Variants in KCNH7 observed in about 807,000 individuals in gnomAD.
The protein encoded by KCNH7 is voltage-gated inwardly rectifying potassium channel KCNH7.
In KCNH7, 49 loss-of-function variants were observed where a neutral mutation model predicts 120.8. The observed-to-expected ratio is 0.41, with a 90% CI of 0.32 to 0.51. The LOEUF (loss-of-function observed/expected upper bound fraction) is 0.51. Among genes scored for constraint, KCNH7 ranks in the 20% least tolerant of loss-of-function variants. The pLI is 0.38. For synonymous variants in KCNH7, 547 were observed against 516.1 expected (o/e 1.06, Z -0.81); for missense variants, 1,097 against 1,446.6 (o/e 0.76, Z 3.92).
chr2:162,409,992 A>G (rs1265388626), intron 9 of KCNH7, among the ~76,000 whole-genome samples: 1 of 152,106 alleles, frequency 6.6e-6, no homozygotes, highest in Non-Finnish European at 1.5e-5. Flanking sequence ...TATTGTTAAA[A>G]TGACCACACG....
At chr2:162,804,902 A>G (rs1401828500) in intron 2 of KCNH7, among the ~76,000 whole-genome samples, 1 of 152,058 alleles carries the variant, frequency 6.6e-6, no homozygotes, top group Non-Finnish European at 1.5e-5. Context: ...ATAGACACAT[A>G]AACCAATGGA....
Position 162,838,511 on chromosome 2 carries a change from A to G in KCNH7, c.8T>C (p.Val3Ala). Residue 3 changes from valine to alanine, a missense_variant, in exon 1 of 16, where the codon GTG (valine) becomes GCG (alanine). Coordinates refer to ENST00000332142, the MANE Select transcript of KCNH7 (RefSeq NM_033272.4). MP[V>A]RRGHVAPQNT... is the part of the protein sequence containing the mutation. ...TTGTGGTGCCACATGCCCCCTGCGCACAGGCATGTTGGCCCCGGTCTTCCG... is the reference window on the plus strand; with the variant it reads ...TTGTGGTGCCACATGCCCCCTGCGCGCAGGCATGTTGGCCCCGGTCTTCCG... 1 of 1,612,818 alleles carries G rather than the reference A, an allele frequency of 6.2e-7. No homozygotes were observed. Among genetic ancestry groups the G allele is most frequent in the Non-Finnish European group, 8.5e-7 (1 of 1,179,756 alleles).
chr2:162,509,829 C>CA (rs1279830761), intron 5 of KCNH7, among the ~76,000 whole-genome samples: 1 of 151,490 alleles, frequency 6.6e-6, no homozygotes, highest in African/African-American at 2.4e-5. Context: ...AGTTTTACTT[C>CA]AGAGTCATAT....
chr2:162,417,886 C>G (rs531105922), intron 9 of KCNH7, among the ~76,000 whole-genome samples: 85 of 152,232 alleles, frequency 5.6e-4, no homozygotes, highest in Middle Eastern at 3.4e-3. Context: ...ATGGTGTTTT[C>G]TTGTTCTTTG....
chr2:162,459,971 G>A (rs1013513224), intron 6 of KCNH7, among the ~76,000 whole-genome samples: 1 of 151,762 alleles, frequency 6.6e-6, no homozygotes, highest in African/African-American at 2.4e-5. Context: ...GCGCATGCCT[G>A]TAGTCCCAGC....
At chr2:162,410,353 G>A (rs1389194877) in intron 9 of KCNH7, among the ~76,000 whole-genome samples, 2 of 152,070 alleles carry the variant, frequency 1.3e-5, no homozygotes, top group Admixed American at 1.3e-4. Context: ...AATAAATGAT[G>A]TTTGGATAAC....
intron 2 of KCNH7, among the ~76,000 whole-genome samples, chr2:162,823,871 G>A (rs1041627958): frequency 1.3e-5 from 2 of 150,372 alleles, no homozygotes; most frequent in African/African-American, 4.9e-5. Flanking sequence ...ATTACCTTCT[G>A]GAAAAGAAAA....
At chr2:162,527,016 G>A (rs1250377070) in intron 3 of KCNH7, among the ~76,000 whole-genome samples, 1 of 151,902 alleles carries the variant, frequency 6.6e-6, no homozygotes, top group Admixed American at 6.6e-5. Flanking sequence ...TTCTGCCATG[G>A]CTTCAGCCGG....
At chr2:162,593,240 G>A (rs1235106989) in intron 2 of KCNH7, among the ~76,000 whole-genome samples, 1 of 152,050 alleles carries the variant, frequency 6.6e-6, no homozygotes. Context: ...TCTGGCATAA[G>A]TAGTGGAAGT....
intron 2 of KCNH7, among the ~76,000 whole-genome samples, chr2:162,683,256 A>C (rs1685776046): frequency 6.6e-6 from 1 of 151,902 alleles, no homozygotes; most frequent in African/African-American, 2.4e-5. Flanking sequence ...CAGTTTCTTA[A>C]ATGTACATCT....
chr2:162,708,821 C>T (rs16847186), intron 2 of KCNH7, among the ~76,000 whole-genome samples: 28,327 of 151,802 alleles, frequency 0.19, 3,390 homozygotes, highest in East Asian at 0.42. Flanking sequence ...GTCATAGAGA[C>T]GGGGAAAATC....
At chr2:162,642,574 G>T (rs1036222195) in intron 2 of KCNH7, among the ~76,000 whole-genome samples, 1 of 152,320 alleles carries the variant, frequency 6.6e-6, no homozygotes, top group African/African-American at 2.4e-5. Context: ...TTGGAGAAAT[G>T]TATTGTTGTC....
At chr2:162,684,549 A>C (rs954049871) in intron 2 of KCNH7, among the ~76,000 whole-genome samples, 2 of 152,186 alleles carry the variant, frequency 1.3e-5, no homozygotes, top group Non-Finnish European at 2.9e-5. Context: ...GGGTATGAAC[A>C]GACACTTCTC....
At chr2:162,814,840 A>G (rs1684863829) in intron 2 of KCNH7, among the ~76,000 whole-genome samples, 1 of 152,030 alleles carries the variant, frequency 6.6e-6, no homozygotes, top group Non-Finnish European at 1.5e-5. Flanking sequence ...TGTTGTTGTT[A>G]CTGCTTTTTA....
chr2:162,576,659 T>C (rs1044416130), intron 2 of KCNH7, among the ~76,000 whole-genome samples: 6 of 37,398 alleles, frequency 1.6e-4, no homozygotes, highest in African/African-American at 6.6e-4. Flanking sequence ...TTTTTGGGGT[T>C]TTTTTTTCCT....
chr2:162,657,558 A>T (rs6432732), intron 2 of KCNH7, among the ~76,000 whole-genome samples: 33,317 of 151,872 alleles, frequency 0.22, 5,639 homozygotes, highest in African/African-American at 0.47. Flanking sequence ...GTATGGATGC[A>T]CTACAGTTTA....
chr2:162,430,411 A>G (rs1046066177), intron 8 of KCNH7, among the ~76,000 whole-genome samples: 1 of 152,008 alleles, frequency 6.6e-6, no homozygotes, highest in African/African-American at 2.4e-5. Flanking sequence ...TTCCATAACT[A>G]CATCTCCTGT....
chr2:162,683,415 A>G (rs988470921), intron 2 of KCNH7, among the ~76,000 whole-genome samples: 2 of 151,952 alleles, frequency 1.3e-5, no homozygotes, highest in Admixed American at 6.6e-5. Context: ...TGATGAAAAT[A>G]AGCTTCGGAT....
intron 6 of KCNH7, among the ~76,000 whole-genome samples, chr2:162,501,265 T>A (rs1370125238): frequency 6.6e-6 from 1 of 152,064 alleles, no homozygotes; most frequent in Non-Finnish European, 1.5e-5. Context: ...ACTCCAGAAT[T>A]TCCTCCCATT....
Sources: gnomAD v4.1 joint callset for allele counts (sites outside exome capture counted in the v4.1 genomes callset) on GRCh38, gnomAD v4.1.1 for gene constraint, MANE v1.5 for transcripts, NCBI Gene and HGNC (gene_info 2026-07-23, HGNC 2026-07-21) for gene names.